Variants in TENM2 observed in about 807,000 individuals in gnomAD.
TENM2 encodes the protein teneurin-2.
TENM2 carries 52 observed loss-of-function variants against 245.2 expected under a neutral mutation model. That is an observed-to-expected ratio of 0.21 (90% confidence interval 0.17 to 0.27). TENM2 has a LOEUF of 0.27. Ranked by LOEUF, TENM2 falls within the 10% of genes least tolerant of loss-of-function variation. TENM2 has a pLI of 1.00. For synonymous variants in TENM2, 1,363 were observed against 1,438.9 expected (o/e 0.95, Z 1.19); for missense variants, 3,046 against 3,666.8 (o/e 0.83, Z 4.37).
At chr5:167,169,955 A>G in the TENM2 span, among the ~76,000 whole-genome samples, 2 of 152,222 alleles carry the variant, frequency 1.3e-5, no homozygotes, top group Admixed American at 6.5e-5. Flanking sequence ...TACCATGGAA[A>G]GTATACAGAC....
the TENM2 span, among the ~76,000 whole-genome samples, chr5:167,145,843 C>A: frequency 6.6e-6 from 1 of 152,160 alleles, no homozygotes; most frequent in African/African-American, 2.4e-5. Flanking sequence ...CCATGTTCCC[C>A]TTCAGCACCG....
At chr5:167,851,418 C>G (rs1770568284) in intron 2 of TENM2, among the ~76,000 whole-genome samples, 2 of 152,062 alleles carry the variant, frequency 1.3e-5, no homozygotes, top group African/African-American at 4.8e-5. Context: ...GGATTTTAAG[C>G]AAGATTTTTC....
intron 1 of TENM2, among the ~76,000 whole-genome samples, chr5:167,362,716 G>A (rs1008955278): frequency 1.3e-5 from 2 of 152,150 alleles, no homozygotes. Context: ...GTAAGATATT[G>A]CATTACTTAA....
chr5:167,044,747 C>A, the TENM2 span, among the ~76,000 whole-genome samples: 3 of 152,144 alleles, frequency 2.0e-5, no homozygotes, highest in African/African-American at 7.2e-5. Context: ...GGCACTAGAG[C>A]CAGAAGACTC....
At chr5:167,510,856 A>G (rs1357274481) in intron 2 of TENM2, among the ~76,000 whole-genome samples, 4 of 152,130 alleles carry the variant, frequency 2.6e-5, no homozygotes, top group African/African-American at 7.2e-5. Context: ...CAGTCTCACT[A>G]TGTTTCCAAA....
At chr5:167,180,580 T>C in the TENM2 span, among the ~76,000 whole-genome samples, 2 of 152,126 alleles carry the variant, frequency 1.3e-5, no homozygotes, top group Non-Finnish European at 2.9e-5. Context: ...AATCTGTGTA[T>C]GACTTTTGAC....
chr5:168,031,181 T>C (rs924280510), intron 5 of TENM2, among the ~76,000 whole-genome samples: 5 of 152,222 alleles, frequency 3.3e-5, no homozygotes, highest in Admixed American at 1.3e-4. Flanking sequence ...TGGAAGTGAA[T>C]GGGATCGGGG....
At chr5:167,569,714 T>C (rs776121668) in intron 2 of TENM2, among the ~76,000 whole-genome samples, 1 of 152,172 alleles carries the variant, frequency 6.6e-6, no homozygotes, top group Non-Finnish European at 1.5e-5. Context: ...CTATGAACTA[T>C]TTCATTATTG....
chr5:167,166,653 CA>C, the TENM2 span, among the ~76,000 whole-genome samples: 1 of 151,840 alleles, frequency 6.6e-6, no homozygotes, highest in African/African-American at 2.4e-5. Context: ...CCCTTTTAGC[CA>C]AAATCTAGTG....
the TENM2 span, among the ~76,000 whole-genome samples, chr5:167,171,861 A>T: frequency 2.6e-5 from 4 of 152,198 alleles, no homozygotes; most frequent in African/African-American, 9.6e-5. Context: ...GCTTCCGGCC[A>T]CCCAGAGCAG....
At chr5:167,198,855 G>A in the TENM2 span, among the ~76,000 whole-genome samples, 1 of 151,922 alleles carries the variant, frequency 6.6e-6, no homozygotes. Flanking sequence ...ACAGCGGCAG[G>A]AGAAAGGGGG....
intron 9 of TENM2, among the ~76,000 whole-genome samples, chr5:168,111,309 C>T (rs144653228): frequency 3.3e-5 from 5 of 152,132 alleles, no homozygotes; most frequent in South Asian, 2.1e-4. Flanking sequence ...CCCTCTGAGC[C>T]GGGGACTCTG....
chr5:168,071,031 C>G (rs1028027850), intron 7 of TENM2, among the ~76,000 whole-genome samples: 1 of 152,126 alleles, frequency 6.6e-6, no homozygotes, highest in African/African-American at 2.4e-5. Flanking sequence ...TTGTTCCAGA[C>G]AGGAACAGCT....
rs79729049 is a variant in TENM2 at position 168,021,093 on chromosome 5, G to T, written c.1187-26334G>T. On this transcript the variant is annotated intron_variant, in intron 5 of 28. Coordinates refer to ENST00000518659, the Ensembl canonical transcript of TENM2. ...AGGAATCGTTTGTGGCACAAAAGTG[G>T]CACCTACTGGTAAGCCTTGGCTTAA... 2.6e-5 allele frequency among the ~76,000 whole-genome samples: 4 copies of T among 152,282 alleles called. No homozygotes were observed. In the East Asian group the frequency reaches 7.7e-4, roughly 29 times the overall value.
intron 2 of TENM2, among the ~76,000 whole-genome samples, chr5:167,409,531 TA>T (rs1237891639): frequency 2.6e-5 from 4 of 151,968 alleles, no homozygotes; most frequent in African/African-American, 9.7e-5. Flanking sequence ...AATTAAGCTT[TA>T]AAAAAACAAA....
chr5:167,175,517 G>T, the TENM2 span, among the ~76,000 whole-genome samples: 1 of 152,206 alleles, frequency 6.6e-6, no homozygotes, highest in African/African-American at 2.4e-5. Flanking sequence ...TCTTTAAAAT[G>T]TGTTCCCCTT....
chr5:167,003,963 C>T, the TENM2 span, among the ~76,000 whole-genome samples: 2 of 152,212 alleles, frequency 1.3e-5, no homozygotes, highest in Admixed American at 1.3e-4. Context: ...TTATCTGTAA[C>T]AAAATGTTAA....
chr5:167,661,763 C>G lies in TENM2; in HGVS notation c.503-214223C>G, dbSNP rs560329833. On this transcript the variant is annotated intron_variant, in intron 2 of 28. Transcript: ENST00000518659. ...TCAGGCTTGCCTAGAGTCAGTGGTG[C>G]AAACCATGTCACTGATAGCTTAGGC... Among the ~76,000 whole-genome samples, 10 of 151,546 alleles carry G rather than the reference C, an allele frequency of 6.6e-5. No homozygotes were observed. The South Asian group carries it at 1.7e-3, about 25-fold the overall frequency.
intron 2 of TENM2, among the ~76,000 whole-genome samples, chr5:167,745,360 A>G (rs1160001258): frequency 4.6e-5 from 7 of 152,202 alleles, no homozygotes; most frequent in Non-Finnish European, 8.8e-5. Context: ...TGGCTCTGCC[A>G]TCTCTGCCCA....
Sources: allele counts gnomAD v4.1 joint callset (sites outside exome capture counted in the v4.1 genomes callset), GRCh38; gene constraint gnomAD v4.1.1; transcripts MANE v1.5; gene names NCBI Gene and HGNC (gene_info 2026-07-23, HGNC 2026-07-21).